PTH2R: variants seen among roughly 807,000 people sequenced by gnomAD.
The protein encoded by PTH2R is PTH2 receptor.
PTH2R carries 59 observed loss-of-function variants against 60.3 expected under a neutral mutation model. The observed-to-expected ratio is 0.98, with a 90% CI of 0.79 to 1.22. The LOEUF (loss-of-function observed/expected upper bound fraction) is 1.22, where lower values mean the gene tolerates loss of function less well. Ranked by LOEUF, PTH2R falls within the 50% of genes most tolerant of loss-of-function variation. The pLI is 0.00. For missense variants in PTH2R, 749 were observed against 682.6 expected (o/e 1.10, Z -1.08); for synonymous variants, 256 against 243.8 (o/e 1.05, Z -0.47).
At chr2:208,457,445 G>T (rs1316021132) in intron 8 of PTH2R, among the ~76,000 whole-genome samples, 1 of 152,194 alleles carries the variant, frequency 6.6e-6, no homozygotes, top group Middle Eastern at 3.2e-3. Context: ...TGTAGGTTCT[G>T]GTTGATTTGG....
intron 1 of PTH2R, among the ~76,000 whole-genome samples, chr2:208,384,929 C>T (rs1700976784): frequency 6.6e-6 from 1 of 152,172 alleles, no homozygotes; most frequent in African/African-American, 2.4e-5. Flanking sequence ...TCTCTTAAGT[C>T]ATACACAACA....
At chr2:208,459,499 T>A (rs947955857) in intron 8 of PTH2R, among the ~76,000 whole-genome samples, 4 of 152,170 alleles carry the variant, frequency 2.6e-5, no homozygotes, top group African/African-American at 9.7e-5. Context: ...AGAATTGCTG[T>A]AATGTCTGTG....
intron 1 of PTH2R, among the ~76,000 whole-genome samples, chr2:208,399,804 A>G (rs1701274375): frequency 1.3e-5 from 2 of 152,136 alleles, no homozygotes; most frequent in South Asian, 4.2e-4. Flanking sequence ...ATTAAGCATG[A>G]TGGTGGTGGT....
At chr2:208,448,514 G>C (rs1441880590) in intron 7 of PTH2R, among the ~76,000 whole-genome samples, 1 of 151,138 alleles carries the variant, frequency 6.6e-6, no homozygotes, top group African/African-American at 2.4e-5. Context: ...TGCGCCTGCA[G>C]TCCCAGCTGC....
chr2:208,430,286 A>G (rs1329673301), intron 2 of PTH2R, among the ~76,000 whole-genome samples: 2 of 152,074 alleles, frequency 1.3e-5, no homozygotes, highest in Admixed American at 1.3e-4. Flanking sequence ...TCTTCTTTGA[A>G]TAAAATGTCC....
chr2:208,360,295 C>G (rs538502905), intron 1 of PTH2R: 1 of 379,302 alleles, frequency 2.6e-6, no homozygotes, highest in East Asian at 7.7e-5. Flanking sequence ...CCTACGGGGT[C>G]TCCTACTGGT....
At chr2:208,373,227 T>TA (rs1700735363) in intron 1 of PTH2R, among the ~76,000 whole-genome samples, 1 of 152,132 alleles carries the variant, frequency 6.6e-6, no homozygotes, top group African/African-American at 2.4e-5. Flanking sequence ...AAGTGAGATA[T>TA]ATGAGTAAAT....
At chr2:208,381,744 C>T (rs1700918785) in intron 1 of PTH2R, among the ~76,000 whole-genome samples, 1 of 152,114 alleles carries the variant, frequency 6.6e-6, no homozygotes, top group African/African-American at 2.4e-5. Flanking sequence ...ACAATCAATA[C>T]CCTGTCCCTT....
chr2:208,452,021 T>G (rs1159901363), intron 8 of PTH2R, among the ~76,000 whole-genome samples: 1 of 152,220 alleles, frequency 6.6e-6, no homozygotes, highest in Non-Finnish European at 1.5e-5. Flanking sequence ...GATCTCTTTG[T>G]GTATCAGTTT....
chr2:208,454,434 A>G (rs1329914087), intron 8 of PTH2R, among the ~76,000 whole-genome samples: 1 of 152,208 alleles, frequency 6.6e-6, no homozygotes, highest in East Asian at 1.9e-4. Flanking sequence ...AAGAGATGCC[A>G]GAGAGGCTGG....
At chr2:208,446,562 A>G (rs1438881629) in intron 7 of PTH2R, among the ~76,000 whole-genome samples, 38 of 152,238 alleles carry the variant, frequency 2.5e-4, no homozygotes, top group Admixed American at 2.5e-3. Context: ...CCACAAGTCA[A>G]AAGAGTAATA....
chr2:208,377,367 G>C (rs895572675), intron 1 of PTH2R, among the ~76,000 whole-genome samples: 11 of 152,008 alleles, frequency 7.2e-5, no homozygotes, highest in African/African-American at 2.4e-4. Flanking sequence ...ATCATGGCCC[G>C]TTCTCAATGA....
At chr2:208,361,603 C>G (rs985213384) in intron 1 of PTH2R, among the ~76,000 whole-genome samples, 7 of 152,152 alleles carry the variant, frequency 4.6e-5, no homozygotes, top group Admixed American at 4.6e-4. Flanking sequence ...CCCCCTACTC[C>G]CAAGCTCCAG....
chr2:208,388,332 CA>C (rs991610380), intron 1 of PTH2R, among the ~76,000 whole-genome samples: 3 of 150,984 alleles, frequency 2.0e-5, no homozygotes, highest in South Asian at 2.1e-4. Flanking sequence ...CAAAAACAAA[CA>C]AAAAAAAACT....
chr2:208,458,594 C>T (rs554184813), intron 8 of PTH2R, among the ~76,000 whole-genome samples: 7 of 152,214 alleles, frequency 4.6e-5, no homozygotes, highest in Admixed American at 1.3e-4. Context: ...TCCTCTCCCT[C>T]CTCCTACCTT....
intron 1 of PTH2R, among the ~76,000 whole-genome samples, chr2:208,377,439 A>G (rs1273817969): frequency 6.8e-6 from 1 of 148,114 alleles, no homozygotes; most frequent in Non-Finnish European, 1.5e-5. Context: ...CACTTCCCAG[A>G]AGGGGCGGCC....
At chr2:208,385,906 T>C (rs1700993045) in intron 1 of PTH2R, among the ~76,000 whole-genome samples, 1 of 152,216 alleles carries the variant, frequency 6.6e-6, no homozygotes. Flanking sequence ...GCATCCCTCC[T>C]CAATTGAAAC....
At chr2:208,369,556 G>A (rs1457755713) in intron 1 of PTH2R, among the ~76,000 whole-genome samples, 2 of 151,910 alleles carry the variant, frequency 1.3e-5, no homozygotes, top group South Asian at 2.1e-4. Flanking sequence ...AGTAGAGACA[G>A]GATTTCTCCA....
chr2:208,465,505 C>T (rs1271687339), intron 9 of PTH2R, among the ~76,000 whole-genome samples: 5 of 131,772 alleles, frequency 3.8e-5, no homozygotes, highest in Admixed American at 1.8e-4. Context: ...TGGGTTCAAG[C>T]GATTCTCCTG....
Sources: gnomAD v4.1 joint callset for allele counts (sites outside exome capture counted in the v4.1 genomes callset) on GRCh38, gnomAD v4.1.1 for gene constraint, MANE v1.5 for transcripts, NCBI Gene and HGNC (gene_info 2026-07-23, HGNC 2026-07-21) for gene names.